Variants in TASOR2 observed in about 807,000 individuals in gnomAD.
The protein encoded by TASOR2 is transcription activation suppressor family member 2.
TASOR2 carries 84 observed loss-of-function variants against 199.5 expected under a neutral mutation model. The ratio of observed to expected loss-of-function variants is 0.42; its 90% CI spans 0.35 to 0.50. The LOEUF is 0.50. Ranked by LOEUF, TASOR2 falls within the 20% of genes least tolerant of loss-of-function variation. The pLI is 0.02. For missense variants in TASOR2, 2,796 were observed against 2,835.9 expected, an observed-to-expected ratio of 0.99 and a Z score of 0.32; for synonymous variants, 1,103 against 1,046.6, an observed-to-expected ratio of 1.05 and a Z score of -1.04.
At chr10:5,757,538 C>T (rs769918929) in exon 17 of TASOR2, 2 of 1,605,884 alleles carry the variant, frequency 1.2e-6, no homozygotes, top group African/African-American at 2.7e-5. Flanking sequence ...TTTGCTGAAG[C>T]TGAAGCATTT....
In TASOR2 at chr10:5,748,043, C is replaced by T. The variant is rs1429330841; in HGVS notation, c.4622C>T (p.Ser1541Phe). 2 of 1,613,978 alleles carry T rather than the reference C, an allele frequency of 1.2e-6. No homozygotes were observed. Among genetic ancestry groups the T allele is most frequent in the African/African-American group, 2.7e-5 (2 of 74,918 alleles). ...AAATGCACAGGTGACTTCAGTCCTTCTCCTGAAAAACTGGTAAAATCAGGA... is the reference window on the plus strand; with the variant it reads ...AAATGCACAGGTGACTTCAGTCCTTTTCCTGAAAAACTGGTAAAATCAGGA... The change falls in exon 15 of 21, where the codon TCT (serine) becomes TTT (phenylalanine). Residue 1541 changes from serine to phenylalanine, a missense_variant. By Grantham distance (155) the Ser-to-Phe change is radical. Coordinates refer to ENST00000328090, the Ensembl canonical transcript of TASOR2. This position sits in a 1 kb window ranked among gnomAD's most constrained non-coding sequence, Gnocchi z 5.1.
intron 2 of TASOR2, 74 bp from the exon 3 acceptor site, chr10:5,714,061 A>G: frequency 1.2e-6 from 1 of 837,558 alleles, no homozygotes. Flanking sequence ...ATAAAATTAA[A>G]AAAAAAAACC....
At chr10:5,700,787 G>A (rs914285885) in intron 1 of TASOR2, among the ~76,000 whole-genome samples, 1 of 113,874 alleles carries the variant, frequency 8.8e-6, no homozygotes, top group Non-Finnish European at 2.0e-5. Flanking sequence ...TATTTGTGGG[G>A]GTGTGTCTGT....
intron 11 of TASOR2, among the ~76,000 whole-genome samples, chr10:5,732,295 G>A (rs145023172): frequency 6.6e-6 from 1 of 152,356 alleles, no homozygotes; most frequent in Non-Finnish European, 1.5e-5. Flanking sequence ...GCACATTATG[G>A]CCAAGGGGCC....
intron 1 of TASOR2, chr10:5,712,245 G>T (rs1832019325): frequency 2.1e-6 from 1 of 465,972 alleles, no homozygotes; most frequent in East Asian, 3.6e-5. Flanking sequence ...TACATCAGAG[G>T]TCTTTTAAAT....
In TASOR2 at chr10:5,740,589, A is replaced by G; in HGVS notation, c.2327+92A>G. ...GGGAAACTTATGCCAAACTCTGGAG[A>G]AGGAGAAAGAAGTGTTGTGTTTAAA... On this transcript the variant is annotated intron_variant, in intron 13 of 20. Coordinates refer to ENST00000328090, the Ensembl canonical transcript of TASOR2. This position sits in a 1 kb window ranked among gnomAD's most constrained non-coding sequence, Gnocchi z 5.3. 7.7e-7 allele frequency: 1 copy of G among 1,299,526 alleles called. No homozygotes were observed. The highest frequency in any genetic ancestry group is 1.1e-6 in the Non-Finnish European group (1 of 945,538). 80.5% of individuals were successfully genotyped at this position (1,299,526 alleles called of 1,614,324 possible). A position where few individuals can be genotyped will look rare whatever the true frequency, so the allele number is the denominator to read the frequency against.
At chr10:5,704,608 G>C (rs2131529320) in intron 1 of TASOR2, among the ~76,000 whole-genome samples, 1 of 151,966 alleles carries the variant, frequency 6.6e-6, no homozygotes, top group South Asian at 2.1e-4. Context: ...ATTAATATCT[G>C]ATCTTCTCTT....
intron 11 of TASOR2, among the ~76,000 whole-genome samples, chr10:5,732,311 G>T (rs1409458897): frequency 1.3e-5 from 2 of 152,244 alleles, no homozygotes; most frequent in African/African-American, 4.8e-5. Flanking sequence ...GGGCCACTCG[G>T]TTGTGCCTGT....
At position 5,754,771 on chromosome 10, in the gene TASOR2, C is replaced by T. The variant is rs890161112; in HGVS notation, c.6607-1842C>T. On this transcript the variant is annotated intron_variant, in intron 15 of 20. Coordinates refer to ENST00000328090, the Ensembl canonical transcript of TASOR2. This position sits in a 1 kb window ranked among gnomAD's most constrained non-coding sequence, Gnocchi z 4.3. ...CTGAGAAAGTGGACACGGCCGGGCGCGGTGGCTCACGCCTGTAATCCCAGC... is the reference window on the plus strand; with the variant it reads ...CTGAGAAAGTGGACACGGCCGGGCGTGGTGGCTCACGCCTGTAATCCCAGC... Among the ~76,000 whole-genome samples the T allele has an allele frequency of 3.3e-5, 5 of 152,116 alleles. No homozygotes were observed. Among genetic ancestry groups the T allele is most frequent in the East Asian group, 3.9e-4 (2 of 5,164 alleles).
At chr10:5,716,767 T>C (rs867070843) in intron 2 of TASOR2, among the ~76,000 whole-genome samples, 4 of 151,880 alleles carry the variant, frequency 2.6e-5, no homozygotes, top group African/African-American at 4.8e-5. Flanking sequence ...ATACAAAAAT[T>C]AGCCAGGCAT....
At chr10:5,721,920 T>TTAA (rs1359529250) in intron 6 of TASOR2, among the ~76,000 whole-genome samples, 1 of 152,212 alleles carries the variant, frequency 6.6e-6, no homozygotes. Context: ...GTCTATATTT[T>TTAA]TCAAAATACC....
At position 5,690,042 on chromosome 10, in the gene TASOR2, A is replaced by G. The variant is rs1018413173; in HGVS notation, c.-288+4867A>G. On this transcript the variant is annotated intron_variant, in intron 1 of 20. Coordinates refer to ENST00000328090, the Ensembl canonical transcript of TASOR2. The surrounding 1 kb of genome is among the most constrained non-coding windows in gnomAD (Gnocchi z 4.8). ...GTTTTCAGATTTATTGATATAAATTATACATGGTGATTTATAATTTTAGAA... is the reference window on the plus strand; with the variant it reads ...GTTTTCAGATTTATTGATATAAATTGTACATGGTGATTTATAATTTTAGAA... Among the ~76,000 whole-genome samples the G allele has an allele frequency of 1.3e-5, 2 of 152,166 alleles. No individual in the cohort carries two copies. Among genetic ancestry groups the G allele is most frequent in the Non-Finnish European group, 1.5e-5 (1 of 68,030 alleles).
At chr10:5,712,199 T>G (rs1035949255) in intron 1 of TASOR2, 1 of 349,194 alleles carries the variant, frequency 2.9e-6, no homozygotes, top group Non-Finnish European at 5.0e-6. Context: ...TAAAAGTAAT[T>G]CAGCTTCAGT....
At chr10:5,708,186 CTTAT>C (rs1431205655) in intron 1 of TASOR2, among the ~76,000 whole-genome samples, 1 of 152,168 alleles carries the variant, frequency 6.6e-6, no homozygotes, top group Non-Finnish European at 1.5e-5. Flanking sequence ...TTTCTTCGTT[CTTAT>C]TCTTCTCTCC....
In TASOR2 at chr10:5,750,404, A is replaced by G. The variant is rs556643082; in HGVS notation, c.6606+377A>G. Among the ~76,000 whole-genome samples the G allele has an allele frequency of 3.9e-5, 6 of 152,326 alleles. No individual in the cohort carries two copies. The East Asian group carries it at 7.7e-4, about 20-fold the overall frequency. ...AGTAGGACCTCTTTTGGTTTTGGAT[A>G]TATTTTTAATTTGAATTTGAATGTT... On this transcript the variant is annotated intron_variant, in intron 15 of 20. Transcript: ENST00000328090. The surrounding 1 kb of genome is among the most constrained non-coding windows in gnomAD (Gnocchi z 5.4).
Position 5,749,959 on chromosome 10 carries a change from G to A in TASOR2, c.6538G>A (p.Ala2180Thr). 3.1e-6 allele frequency: 5 copies of A among 1,613,988 alleles called. No individual in the cohort carries two copies. In the South Asian group the frequency reaches 4.4e-5, roughly 14 times the overall value. ...CAAACTAAGAAGTGTTGTGAAAGAG[G>A]CTTGTAAAAGTACCTTCCTGTTCTA... Residue 2180 changes from alanine to threonine, a missense_variant, in exon 15 of 21, where the codon GCT becomes ACT. This residue lies in a region of TASOR2 where 1,941 missense variants were observed against 1,924.9 expected (regional missense o/e 1.01). Transcript: ENST00000328090.
intron 20 of TASOR2, 45 bp downstream of exon 21, chr10:5,762,691 T>C: frequency 2.2e-6 from 2 of 898,572 alleles, no homozygotes; most frequent in East Asian, 2.6e-5. Context: ...GTTGGAGTTG[T>C]TGATGGCAAA....
rs1451236507 is a variant in TASOR2, at chr10:5,742,783, C to G, written c.2757+257C>G. Among the ~76,000 whole-genome samples the G allele has an allele frequency of 6.6e-6, 1 of 152,066 alleles. No individual in the cohort carries two copies. The highest frequency in any genetic ancestry group is 1.5e-5 in the Non-Finnish European group (1 of 68,020). On this transcript the variant is annotated intron_variant, in intron 14 of 20. Transcript: ENST00000328090. This position sits in a 1 kb window ranked among gnomAD's most constrained non-coding sequence, Gnocchi z 4.2. ...ACAGGGTCCACATGATCTGGGAGCC[C>G]AGCATAATTTGGGGCAAATTGCTTC...
chr10:5,748,368 A>T lies in TASOR2; in HGVS notation c.4947A>T (p.Gly1649=). 2 of 1,614,234 alleles carry T rather than the reference A, an allele frequency of 1.2e-6. No homozygotes were observed. Among genetic ancestry groups the T allele is most frequent in the Non-Finnish European group, 1.7e-6 (2 of 1,180,036 alleles). ...TTGATGGAGCTTATTCTACACAGGG[A>T]TGCATGTGCTCAGTGGTCCCCACGC... The change falls in exon 15 of 21, where the codon GGA becomes GGT. Residue 1649 remains glycine, a synonymous_variant. Coordinates refer to ENST00000328090, the Ensembl canonical transcript of TASOR2. The surrounding 1 kb of genome is among the most constrained non-coding windows in gnomAD (Gnocchi z 5.1).
Sources: gnomAD v4.1 joint callset for allele counts (sites outside exome capture counted in the v4.1 genomes callset) on GRCh38, gnomAD v4.1.1 for gene constraint, gnomAD v4.1.1 regional missense constraint, Gnocchi (gnomAD v3.1) non-coding constraint, MANE v1.5 for transcripts, NCBI Gene and HGNC (gene_info 2026-07-23, HGNC 2026-07-21) for gene names.